Variants in SPIRE1 observed in about 807,000 individuals in gnomAD.
The protein encoded by SPIRE1 is protein spire homolog 1.
A neutral mutation model predicts 94.1 loss-of-function variants in SPIRE1; 40 were observed. That is an observed-to-expected ratio of 0.43 (90% CI 0.33 to 0.55). The LOEUF is 0.55. SPIRE1 is among the 20% of genes least tolerant of loss of function. SPIRE1 has a pLI of 0.06. For synonymous variants in SPIRE1, 376 were observed against 371.7 expected (o/e 1.01, Z -0.13); for missense variants, 838 against 975.2 (o/e 0.86, Z 1.87).
At chr18:12,476,801 GAA>G (rs1260821918) in intron 10 of SPIRE1, among the ~76,000 whole-genome samples, 9 of 151,782 alleles carry the variant, frequency 5.9e-5, no homozygotes, top group Non-Finnish European at 1.3e-4. Context: ...GATTGAAGAG[GAA>G]GAGAGGAATA....
At chr18:12,650,294 C>T (rs2038341067) in intron 1 of SPIRE1, among the ~76,000 whole-genome samples, 1 of 152,090 alleles carries the variant, frequency 6.6e-6, no homozygotes, top group Non-Finnish European at 1.5e-5. Flanking sequence ...CATGGTGGCT[C>T]ATGCCTGCAA....
chr18:12,513,109 C>G (rs1395117596), intron 4 of SPIRE1, among the ~76,000 whole-genome samples: 1 of 152,168 alleles, frequency 6.6e-6, no homozygotes, highest in Non-Finnish European at 1.5e-5. Flanking sequence ...TCCCTCTAGA[C>G]TTCATGAGGC....
At chr18:12,596,808 A>G (rs1443429554) in intron 2 of SPIRE1, among the ~76,000 whole-genome samples, 2 of 152,164 alleles carry the variant, frequency 1.3e-5, no homozygotes, top group African/African-American at 4.8e-5. Context: ...TTTGTAATTT[A>G]CCTTAATTCA....
chr18:12,556,788 CA>C (rs1231466092), intron 2 of SPIRE1, among the ~76,000 whole-genome samples: 1 of 152,102 alleles, frequency 6.6e-6, no homozygotes. Flanking sequence ...GGTGAGGACC[CA>C]AAGAGTGAGC....
At chr18:12,599,526 A>T (rs1477607796) in intron 2 of SPIRE1, among the ~76,000 whole-genome samples, 1 of 152,192 alleles carries the variant, frequency 6.6e-6, no homozygotes, top group Non-Finnish European at 1.5e-5. Context: ...GACCTCCCAA[A>T]GTGCTGGGAT....
At chr18:12,526,291 T>G (rs1226343733) in intron 4 of SPIRE1, among the ~76,000 whole-genome samples, 1 of 152,180 alleles carries the variant, frequency 6.6e-6, no homozygotes, top group Non-Finnish European at 1.5e-5. Context: ...CTGGCCTTCA[T>G]GTGTGCTGTT....
At chr18:12,492,311 G>C (rs532384122) in intron 8 of SPIRE1, among the ~76,000 whole-genome samples, 1 of 152,148 alleles carries the variant, frequency 6.6e-6, no homozygotes, top group East Asian at 1.9e-4. Context: ...GACCGTTTTC[G>C]TAAAGGCAGT....
chr18:12,459,814 C>A, intron 12 of SPIRE1: 2 of 985,946 alleles, frequency 2.0e-6, no homozygotes, highest in Non-Finnish European at 2.4e-6. Context: ...ATAGCCCCTG[C>A]TACCCCAAAC....
chr18:12,529,066 C>A (rs79427597), intron 4 of SPIRE1, among the ~76,000 whole-genome samples: 1 of 152,008 alleles, frequency 6.6e-6, no homozygotes, highest in Non-Finnish European at 1.5e-5. Flanking sequence ...AATAGGGCAA[C>A]GCGATTAAAA....
chr18:12,543,844 T>C (rs1225525662), intron 3 of SPIRE1, among the ~76,000 whole-genome samples: 1 of 152,246 alleles, frequency 6.6e-6, no homozygotes, highest in African/African-American at 2.4e-5. Flanking sequence ...TCTTGTCTTC[T>C]CTTCCAACAA....
intron 2 of SPIRE1, among the ~76,000 whole-genome samples, chr18:12,589,505 G>T (rs2036473683): frequency 6.6e-6 from 1 of 152,178 alleles, no homozygotes; most frequent in African/African-American, 2.4e-5. Flanking sequence ...CAACAGGAAA[G>T]AAAAGGCACA....
intron 2 of SPIRE1, among the ~76,000 whole-genome samples, chr18:12,615,719 C>T (rs1465060882): frequency 2.6e-5 from 4 of 151,832 alleles, no homozygotes; most frequent in South Asian, 2.1e-4. Flanking sequence ...TTCTAAAATA[C>T]GCTAATGCCA....
intron 2 of SPIRE1, among the ~76,000 whole-genome samples, chr18:12,615,345 A>AAAAT: frequency 9.9e-4 from 17 of 17,236 alleles, no homozygotes; most frequent in African/African-American, 1.9e-3. Flanking sequence ...AAAAAAAAAA[A>AAAAT]ATATATATAT....
chr18:12,486,349 A>T (rs1036144469), intron 8 of SPIRE1, among the ~76,000 whole-genome samples: 1 of 152,268 alleles, frequency 6.6e-6, no homozygotes, highest in African/African-American at 2.4e-5. Flanking sequence ...GTTTTAAAAC[A>T]TGATTTTAGG....
At position 12,505,462 on chromosome 18, in the gene SPIRE1, G is replaced by A. The variant is rs2033796517; in HGVS notation, c.972+1015C>T. Reference sequence around the variant, plus strand: ...AGATACTCAGGAGGCTGAGGTGGGAGGATCACTGGAACCTGGGAAGTCGAG... The same window carrying A: ...AGATACTCAGGAGGCTGAGGTGGGAAGATCACTGGAACCTGGGAAGTCGAG... On this transcript the variant is annotated intron_variant, in intron 6 of 16. Transcript: ENST00000409402. Among the ~76,000 whole-genome samples the A allele has an allele frequency of 5.9e-5, 9 of 152,010 alleles. No individual in the cohort carries two copies. In the South Asian group the frequency reaches 1.9e-3, roughly 32 times the overall value.
chr18:12,658,293 CGCCCGGTCGGGGG>C (rs1412930428), upstream of SPIRE1: 3 of 445,226 alleles, frequency 6.7e-6, no homozygotes, highest in African/African-American at 2.1e-5. Flanking sequence ...CAGGCGGTGA[CGCCCGGTCGGGGG>C]GCCCGGTCGC....
chr18:12,615,784 T>TTCTTGC (rs1271551557), intron 2 of SPIRE1, among the ~76,000 whole-genome samples: 1 of 152,106 alleles, frequency 6.6e-6, no homozygotes, highest in Non-Finnish European at 1.5e-5. Flanking sequence ...AAAAAGAAAA[T>TTCTTGC]TCTTGCTCTT....
At chr18:12,645,689 A>G (rs750390929) in intron 1 of SPIRE1, among the ~76,000 whole-genome samples, 1 of 152,152 alleles carries the variant, frequency 6.6e-6, no homozygotes, top group Non-Finnish European at 1.5e-5. Context: ...ATTTTACCCA[A>G]TTCAATACAT....
At chr18:12,503,333 C>T (rs112630220) in intron 6 of SPIRE1, among the ~76,000 whole-genome samples, 3,083 of 152,230 alleles carry the variant, frequency 0.02, 34 homozygotes, top group Non-Finnish European at 0.03. Context: ...AGCGCGCATC[C>T]GACCTCTCTG....
Sources: allele counts gnomAD v4.1 joint callset (sites outside exome capture counted in the v4.1 genomes callset), GRCh38; gene constraint gnomAD v4.1.1; transcripts MANE v1.5; gene names NCBI Gene and HGNC (gene_info 2026-07-23, HGNC 2026-07-21).